SKIC3: variants seen among roughly 807,000 people sequenced by gnomAD.
SKIC3 encodes SKI3 subunit of superkiller complex, also known as superkiller complex protein 3.
the SKIC3 span, chr5:95,517,254 T>C: frequency 1.3e-5 from 21 of 1,613,290 alleles, 1 homozygote; most frequent in South Asian, 2.3e-4. Flanking sequence ...TGCGACAGCA[T>C]ACAGACAGGT....
At chr5:95,535,075 C>T in the SKIC3 span, among the ~76,000 whole-genome samples, 1 of 152,114 alleles carries the variant, frequency 6.6e-6, no homozygotes, top group Non-Finnish European at 1.5e-5. Flanking sequence ...CTATCATACT[C>T]CTCGTTCATT....
At chr5:95,500,588 C>T in the SKIC3 span, among the ~76,000 whole-genome samples, 10 of 152,234 alleles carry the variant, frequency 6.6e-5, no homozygotes, top group South Asian at 2.1e-4. Context: ...ATTATCCAAA[C>T]GGCATAACCA....
At chr5:95,522,464 GA>G in the SKIC3 span, among the ~76,000 whole-genome samples, 2 of 151,970 alleles carry the variant, frequency 1.3e-5, no homozygotes, top group African/African-American at 2.4e-5. Context: ...TTCCTTTTAT[GA>G]TTTTTTTAAT....
chr5:95,537,845 A>G, the SKIC3 span, among the ~76,000 whole-genome samples: 1 of 152,204 alleles, frequency 6.6e-6, no homozygotes, highest in Non-Finnish European at 1.5e-5. Context: ...CCAAAAAGCC[A>G]TAATGTAATT....
the SKIC3 span, chr5:95,520,625 A>G: frequency 3.1e-6 from 3 of 962,434 alleles, no homozygotes; most frequent in African/African-American, 3.3e-5. Context: ...AGCAATTGCT[A>G]TATCTAGCAG....
chr5:95,495,870 A>G, the SKIC3 span, among the ~76,000 whole-genome samples: 1 of 152,216 alleles, frequency 6.6e-6, no homozygotes, highest in Admixed American at 6.5e-5. Context: ...GAGATAAAAG[A>G]TTTTAAAAAC....
chr5:95,509,732 G>A, the SKIC3 span: 5 of 1,252,110 alleles, frequency 4.0e-6, no homozygotes, highest in Admixed American at 3.5e-5. Context: ...CCTACTGATG[G>A]TATTAACAAA....
chr5:95,469,980 T>C, the SKIC3 span: 3 of 1,530,914 alleles, frequency 2.0e-6, no homozygotes, highest in Admixed American at 1.8e-5. Context: ...TCAATTCAAT[T>C]CTTTTTTTTT....
the SKIC3 span, among the ~76,000 whole-genome samples, chr5:95,492,673 A>AAAAAAAAAAAAAAAAAAAAAAAAAAAAT: frequency 7.2e-6 from 1 of 139,838 alleles, no homozygotes; most frequent in Non-Finnish European, 1.5e-5. Context: ...AAAAAAAAAA[A>AAAAAAAAAAAAAAAAAAAAAAAAAAAAT]AAAAAAAAAA....
the SKIC3 span, chr5:95,494,709 T>C: frequency 9.3e-6 from 15 of 1,613,664 alleles, no homozygotes; most frequent in Admixed American, 1.7e-5. Flanking sequence ...GCCTTCTGAA[T>C]GGTCTTTAGT....
chr5:95,528,932 TG>T, the SKIC3 span: 1 of 1,315,550 alleles, frequency 7.6e-7, no homozygotes, highest in Non-Finnish European at 1.1e-6. Context: ...TCACTATCTT[TG>T]TCCTTTAAGA....
chr5:95,466,020 CT>C, the SKIC3 span, among the ~76,000 whole-genome samples: 1 of 152,134 alleles, frequency 6.6e-6, no homozygotes, highest in African/African-American at 2.4e-5. Context: ...TCCAAGCATT[CT>C]TTTCTTTACT....
the SKIC3 span, among the ~76,000 whole-genome samples, chr5:95,539,721 G>A: frequency 3.9e-5 from 6 of 151,992 alleles, no homozygotes; most frequent in East Asian, 9.7e-4. Context: ...GCACATGCCT[G>A]TAATCCCAGC....
the SKIC3 span, chr5:95,530,259 A>G: frequency 6.2e-7 from 1 of 1,610,460 alleles, no homozygotes; most frequent in African/African-American, 1.3e-5. Context: ...TTATTAGTAT[A>G]CATATATCGA....
the SKIC3 span, among the ~76,000 whole-genome samples, chr5:95,474,419 G>A: frequency 6.6e-6 from 1 of 152,120 alleles, no homozygotes. Flanking sequence ...AAGAAAAAAG[G>A]AAAAAAGGAT....
the SKIC3 span, among the ~76,000 whole-genome samples, chr5:95,534,735 C>T: frequency 6.6e-6 from 1 of 152,138 alleles, no homozygotes; most frequent in Non-Finnish European, 1.5e-5. Flanking sequence ...TCCCTCCAAG[C>T]CAGCCAGCAC....
chr5:95,540,248 G>A, the SKIC3 span, among the ~76,000 whole-genome samples: 1 of 152,130 alleles, frequency 6.6e-6, no homozygotes, highest in South Asian at 2.1e-4. Flanking sequence ...AACATTGTAT[G>A]TTCTCACTCT....
the SKIC3 span, chr5:95,516,392 G>T: frequency 4.3e-6 from 7 of 1,613,012 alleles, no homozygotes; most frequent in Non-Finnish European, 5.1e-6. Context: ...CTCCCAAGTT[G>T]GTCCATGCAA....
At chr5:95,467,675 T>A in the SKIC3 span, among the ~76,000 whole-genome samples, 1 of 152,190 alleles carries the variant, frequency 6.6e-6, no homozygotes, top group Non-Finnish European at 1.5e-5. Flanking sequence ...TAAATATTTC[T>A]CATTTTCAAC....
Sources: allele counts gnomAD v4.1 joint callset (sites outside exome capture counted in the v4.1 genomes callset), GRCh38; gene constraint gnomAD v4.1.1; transcripts MANE v1.5; gene names NCBI Gene and HGNC (gene_info 2026-07-23, HGNC 2026-07-21).